The following IVD variants were observed in gnomAD, a reference collection of about 807,000 sequenced individuals.
The protein encoded by IVD is isovaleryl-CoA dehydrogenase.
A neutral mutation model predicts 51.3 loss-of-function variants in IVD; 31 were observed. The ratio of observed to expected loss-of-function variants is 0.60; its 90% CI spans 0.45 to 0.81. The LOEUF is 0.81. Among genes scored for constraint, IVD ranks in the 40% least tolerant of loss-of-function variants. IVD has a pLI of 0.00. For synonymous variants in IVD, 205 were observed against 219.4 expected (o/e 0.93, Z 0.58); for missense variants, 475 against 552.0 (o/e 0.86, Z 1.40).
Position 40,420,485 on chromosome 15 carries a change from C to T in IVD, c.*2222C>T. On this transcript the variant is annotated 3_prime_UTR_variant, in exon 12 of 12. Coordinates refer to ENST00000487418, the MANE Select transcript of IVD (RefSeq NM_002225.5). The stretch of plus-strand genomic sequence containing the variant: ...GAAGCAATCTACTTGCCGCTGCTTC[C>T]TGTCTGGATCCAGCTTGTGTCCTTG... 1 of 987,662 alleles carries T rather than the reference C, an allele frequency of 1.0e-6. No homozygotes were observed. Among genetic ancestry groups the T allele is most frequent in the Non-Finnish European group, 1.2e-6 (1 of 830,122 alleles). The allele number at this position is 987,662 out of a possible 1,614,324, so 61.2% of individuals were successfully genotyped here.
downstream of IVD, chr15:40,421,397 A>T (rs904143966): frequency 2.0e-6 from 2 of 985,372 alleles, no homozygotes; most frequent in African/African-American, 3.5e-5. Context: ...TGCATTGGGC[A>T]AATCTGCAGC....
intron 8 of IVD, chr15:40,415,195 G>A: frequency 1.4e-6 from 1 of 735,930 alleles, no homozygotes; most frequent in Non-Finnish European, 2.3e-6. Flanking sequence ...AAGGCCTGAG[G>A]AGCAGGGTGG....
intron 7 of IVD, among the ~76,000 whole-genome samples, chr15:40,413,776 C>T (rs1186986667): frequency 1.3e-5 from 2 of 152,052 alleles, no homozygotes; most frequent in Non-Finnish European, 1.5e-5. Context: ...CGGCAGCCTC[C>T]ACCTCCTGGG....
chr15:40,409,569 T>C (rs1160521142), intron 3 of IVD, among the ~76,000 whole-genome samples: 1 of 152,134 alleles, frequency 6.6e-6, no homozygotes, highest in Non-Finnish European at 1.5e-5. Context: ...AAGGTTTCCT[T>C]AGAGCCTAGA....
chr15:40,418,364 C>T lies in IVD; in HGVS notation c.*101C>T. On this transcript the variant is annotated 3_prime_UTR_variant, in exon 12 of 12. Coordinates refer to ENST00000487418, the MANE Select transcript of IVD (RefSeq NM_002225.5). Reference sequence around the variant, plus strand: ...CCTGCCCACAGCAGGCCCTCCTGCCCAGCTGCTCTTGTCAGCCCTCTGGCC... The same window carrying T: ...CCTGCCCACAGCAGGCCCTCCTGCCTAGCTGCTCTTGTCAGCCCTCTGGCC... The T allele has an allele frequency of 1.3e-6, 2 of 1,598,394 alleles. No homozygotes were observed. Among genetic ancestry groups the T allele is most frequent in the Non-Finnish European group, 1.7e-6 (2 of 1,176,200 alleles).
At chr15:40,428,692 G>GC (rs1892805433), downstream of IVD, among the ~76,000 whole-genome samples, 1 of 152,196 alleles carries the variant, frequency 6.6e-6, no homozygotes, top group South Asian at 2.1e-4. Context: ...CTCCAAGGGG[G>GC]CTGCAACCTC....
In IVD at chr15:40,415,240, C is replaced by T. The variant is rs1027922633; in HGVS notation, c.879-161C>T. On this transcript the variant is annotated intron_variant, in intron 8 of 11. Transcript: ENST00000487418. ...CTGTGAAACGACACCTGGGCTGTCACGCCCCTGCACCTCTGGCCAGTCAGT... is the reference window on the plus strand; with the variant it reads ...CTGTGAAACGACACCTGGGCTGTCATGCCCCTGCACCTCTGGCCAGTCAGT... 73 of 760,602 alleles carry T rather than the reference C, an allele frequency of 9.6e-5. No individual in the cohort carries two copies. The African/African-American group carries it at 9.7e-4, about 10-fold the overall frequency. 47.1% of individuals were successfully genotyped at this position (760,602 alleles called of 1,614,324 possible).
intron 7 of IVD, among the ~76,000 whole-genome samples, chr15:40,429,742 C>T (rs983332144): frequency 2.0e-5 from 3 of 152,188 alleles, no homozygotes; most frequent in Non-Finnish European, 2.9e-5. Context: ...AGGGGGGAAT[C>T]TCAAGGCTTC....
rs774581954 is a variant in IVD at position 40,418,720 on chromosome 15, A to C, written c.*457A>C. The C allele has an allele frequency of 1.4e-5, 16 of 1,105,042 alleles. No homozygotes were observed. Among genetic ancestry groups the C allele is most frequent in the Non-Finnish European group, 1.8e-5 (16 of 901,102 alleles). 68.5% of individuals were successfully genotyped at this position (1,105,042 alleles called of 1,614,324 possible). ...AGCAGAATCATGGCCCCTCTCCATGAATTGGAACTTGGTACAGGTTAAGTA... is the reference window on the plus strand; with the variant it reads ...AGCAGAATCATGGCCCCTCTCCATGCATTGGAACTTGGTACAGGTTAAGTA... On this transcript the variant is annotated 3_prime_UTR_variant, in exon 12 of 12. Transcript: ENST00000487418.
intron 11 of IVD, among the ~76,000 whole-genome samples, chr15:40,417,898 T>G (rs1891881325): frequency 6.6e-6 from 1 of 152,200 alleles, no homozygotes. Flanking sequence ...AACATATATA[T>G]GGGGTTCGGT....
intron 7 of IVD, among the ~76,000 whole-genome samples, chr15:40,430,612 C>G (rs937049480): frequency 6.6e-6 from 1 of 152,130 alleles, no homozygotes; most frequent in African/African-American, 2.4e-5. Flanking sequence ...AGATTCGAGG[C>G]TGGAGACTCC....
chr15:40,421,953 T>C (rs1892330953), downstream of IVD, among the ~76,000 whole-genome samples: 2 of 152,172 alleles, frequency 1.3e-5, no homozygotes, highest in Non-Finnish European at 2.9e-5. Context: ...AGCTGGGACC[T>C]AAGACCCAGG....
intron 3 of IVD, among the ~76,000 whole-genome samples, chr15:40,409,706 A>G (rs1225231976): frequency 6.6e-6 from 1 of 152,126 alleles, no homozygotes; most frequent in Non-Finnish European, 1.5e-5. Context: ...TGCCAAGGAA[A>G]AACCGTATAT....
chr15:40,422,623 G>A (rs1892410301), downstream of IVD, among the ~76,000 whole-genome samples: 1 of 55,784 alleles, frequency 1.8e-5, no homozygotes, highest in Non-Finnish European at 3.5e-5. Context: ...TTTTTAAGAC[G>A]GAGTCTCACT....
Position 40,420,616 on chromosome 15 carries a change from C to G in IVD, c.*2353C>G. On this transcript the variant is annotated 3_prime_UTR_variant, in exon 12 of 12. Coordinates refer to ENST00000487418, the MANE Select transcript of IVD (RefSeq NM_002225.5). ...GAGAGAGGTCTCAGCCTCCCTTTCC[C>G]AGATCTCCCAGTGAGTTTTAAAGGA... is the stretch of plus-strand genomic sequence containing the variant. 1 of 987,546 alleles carries G rather than the reference C, an allele frequency of 1.0e-6. No homozygotes were observed. The highest frequency in any genetic ancestry group is 1.2e-6 in the Non-Finnish European group (1 of 830,120). The allele number at this position is 987,546 out of a possible 1,614,324, so 61.2% of individuals were successfully genotyped here. A position where few individuals can be genotyped will look rare whatever the true frequency, so the allele number is the denominator to read the frequency against.
At chr15:40,427,833 C>G (rs989378467), downstream of IVD, among the ~76,000 whole-genome samples, 1 of 152,100 alleles carries the variant, frequency 6.6e-6, no homozygotes, top group Non-Finnish European at 1.5e-5. Context: ...TTTCCAGAAG[C>G]CCACCAGTGG....
At chr15:40,431,304 G>T (rs1892961058) in intron 7 of IVD, among the ~76,000 whole-genome samples, 1 of 151,992 alleles carries the variant, frequency 6.6e-6, no homozygotes, top group South Asian at 2.1e-4. Context: ...TTATTAATGT[G>T]ACCCTGGGAA....
chr15:40,406,956 C>T (rs1051162313), intron 1 of IVD, among the ~76,000 whole-genome samples: 13 of 151,992 alleles, frequency 8.6e-5, no homozygotes, highest in Non-Finnish European at 1.0e-4. Context: ...GTCCGCCTCC[C>T]GGGTTCAAGT....
intron 8 of IVD, 197 bp from the exon 9 acceptor site, chr15:40,415,203 TG>T: frequency 1.4e-6 from 1 of 733,016 alleles, no homozygotes; most frequent in Non-Finnish European, 2.3e-6. Flanking sequence ...AGGAGCAGGG[TG>T]GCTTACTCGG....
Sources: allele counts gnomAD v4.1 joint callset (sites outside exome capture counted in the v4.1 genomes callset), GRCh38; gene constraint gnomAD v4.1.1; transcripts MANE v1.5; gene names NCBI Gene and HGNC (gene_info 2026-07-23, HGNC 2026-07-21).